The following CS variants were observed in gnomAD, a reference collection of about 807,000 sequenced individuals.
CS encodes the protein citrate synthase, mitochondrial.
CS carries 13 observed loss-of-function variants against 61.4 expected under a neutral mutation model. That is an observed-to-expected ratio of 0.21 (90% CI 0.14 to 0.34). CS has a LOEUF of 0.34. Among genes scored for constraint, CS ranks in the 10% least tolerant of loss-of-function variants. CS has a pLI of 1.00. For synonymous variants in CS, 159 were observed against 215.2 expected (o/e 0.74, Z 2.29); for missense variants, 278 against 573.4 (o/e 0.48, Z 5.26).
chr12:56,295,378 C>T (rs964341218), intron 1 of CS, among the ~76,000 whole-genome samples: 9 of 150,460 alleles, frequency 6.0e-5, no homozygotes, highest in African/African-American at 1.5e-4. Context: ...AAAATTAGCC[C>T]GGCGTGGTGG....
At chr12:56,274,676 A>C in intron 9 of CS, 101 bp downstream of exon 9, 1 of 934,622 alleles carries the variant, frequency 1.1e-6, no homozygotes, top group Non-Finnish European at 1.6e-6. Flanking sequence ...AAGAAAAAAA[A>C]ATCTCTAATT....
chr12:56,297,227 C>G lies in CS; in HGVS notation c.42+2933G>C, dbSNP rs564522477. Among the ~76,000 whole-genome samples the G allele has an allele frequency of 2.0e-5, 3 of 152,152 alleles. No individual in the cohort carries two copies. In the South Asian group the frequency reaches 6.2e-4, roughly 31 times the overall value. ...AAAAGTCCAGAAGTGAACTGCAGCC[C>G]TACTTCAATTCCTAGCCCAAATCCA... On this transcript the variant is annotated intron_variant, in intron 1 of 10. Coordinates refer to ENST00000351328, the MANE Select transcript of CS (RefSeq NM_004077.3).
chr12:56,283,066 C>T, intron 4 of CS, 75 bp from the exon 5 acceptor site: 1 of 1,522,618 alleles, frequency 6.6e-7, no homozygotes, highest in African/African-American at 1.4e-5. Flanking sequence ...ACTCATCAGA[C>T]CTTACAACAA....
At chr12:56,298,953 G>A (rs2135929013) in intron 1 of CS, among the ~76,000 whole-genome samples, 1 of 151,994 alleles carries the variant, frequency 6.6e-6, no homozygotes, top group African/African-American at 2.4e-5. Flanking sequence ...GAAGTGGGAG[G>A]ATTGCTTGAG....
intron 3 of CS, among the ~76,000 whole-genome samples, chr12:56,285,425 G>T (rs143214233): frequency 6.6e-6 from 1 of 152,156 alleles, no homozygotes; most frequent in Non-Finnish European, 1.5e-5. Flanking sequence ...TGGGACTACA[G>T]GGGCATCCCA....
At chr12:56,294,954 C>A (rs981463350) in intron 1 of CS, among the ~76,000 whole-genome samples, 4 of 151,878 alleles carry the variant, frequency 2.6e-5, no homozygotes, top group African/African-American at 4.8e-5. Flanking sequence ...TTAGTAGAGA[C>A]AGGGTTTCAC....
intron 1 of CS, among the ~76,000 whole-genome samples, chr12:56,298,008 T>G (rs1024168099): frequency 2.6e-5 from 4 of 152,098 alleles, no homozygotes; most frequent in Admixed American, 6.5e-5. Context: ...GCCCTTTTTT[T>G]TCTCTTTGAA....
intron 6 of CS, 142 bp from the exon 7 acceptor site, chr12:56,276,337 T>A: frequency 1.5e-6 from 1 of 683,154 alleles, no homozygotes; most frequent in South Asian, 1.8e-5. Flanking sequence ...ATATTGAGTA[T>A]GTTTGAAAGT....
intron 1 of CS, 50 bp downstream of exon 1, chr12:56,300,110 T>A: frequency 2.0e-6 from 3 of 1,531,760 alleles, no homozygotes; most frequent in Non-Finnish European, 2.6e-6. Flanking sequence ...GGGCCTGCGG[T>A]CGCCTCAGCC....
At chr12:56,299,619 G>A (rs1010149603) in intron 1 of CS, among the ~76,000 whole-genome samples, 2 of 152,146 alleles carry the variant, frequency 1.3e-5, no homozygotes, top group Admixed American at 6.5e-5. Context: ...GGGCCTGAAG[G>A]ACCCACTCTT....
At chr12:56,282,775 G>T in intron 5 of CS, 85 bp downstream of exon 5, 1 of 1,588,268 alleles carries the variant, frequency 6.3e-7, no homozygotes, top group Non-Finnish European at 8.6e-7. Flanking sequence ...CTCTATAAAT[G>T]CCGGATCAGC....
intron 6 of CS, among the ~76,000 whole-genome samples, chr12:56,279,699 G>A (rs1171097889): frequency 6.6e-6 from 1 of 151,734 alleles, no homozygotes; most frequent in Non-Finnish European, 1.5e-5. Flanking sequence ...CAGGGAGGCG[G>A]AGCTTGCAAT....
chr12:56,275,165 G>A, intron 7 of CS, 34 bp from the exon 8 acceptor site: 1 of 1,613,422 alleles, frequency 6.2e-7, no homozygotes, highest in Non-Finnish European at 8.5e-7. Flanking sequence ...GCCAAGGGAA[G>A]AAAGAAGGGG....
intron 3 of CS, among the ~76,000 whole-genome samples, chr12:56,284,250 C>G (rs547045011): frequency 1.4e-5 from 2 of 140,200 alleles, no homozygotes; most frequent in South Asian, 4.4e-4. Context: ...ACCCAGAAGG[C>G]AGAGATTGCA....
intron 1 of CS, among the ~76,000 whole-genome samples, chr12:56,296,239 T>C (rs140433324): frequency 2.0e-4 from 30 of 152,170 alleles, no homozygotes; most frequent in African/African-American, 7.2e-4. Flanking sequence ...GACTGGTGGA[T>C]TGCTTGAGCC....
At chr12:56,278,197 C>A (rs1872677741) in intron 6 of CS, among the ~76,000 whole-genome samples, 1 of 152,170 alleles carries the variant, frequency 6.6e-6, no homozygotes, top group South Asian at 2.1e-4. Context: ...ATGGTGCGAT[C>A]TCAGCTCACT....
In CS at chr12:56,299,536, T is replaced by C. The variant is rs772142308; in HGVS notation, c.42+624A>G. Among the ~76,000 whole-genome samples the C allele has an allele frequency of 1.2e-4, 18 of 151,986 alleles. 1 individual carries two copies. Among genetic ancestry groups the C allele is most frequent in the Non-Finnish European group, 1.0e-4 (7 of 68,012 alleles). On this transcript the variant is annotated intron_variant, in intron 1 of 10. Coordinates refer to ENST00000351328, the MANE Select transcript of CS (RefSeq NM_004077.3). ...TCATGTATGATAGTCATGCAGGAGG[T>C]TGTACAGAAGTGCTCCACCCCACCC...
chr12:56,289,865 C>A, intron 1 of CS, among the ~76,000 whole-genome samples: 1 of 152,114 alleles, frequency 6.6e-6, no homozygotes, highest in Non-Finnish European at 1.5e-5. Context: ...GCTGAGATTA[C>A]CGGCATGAGC....
At chr12:56,289,108 CTCT>C (rs1360086065) in intron 1 of CS, among the ~76,000 whole-genome samples, 1 of 152,170 alleles carries the variant, frequency 6.6e-6, no homozygotes, top group Non-Finnish European at 1.5e-5. Flanking sequence ...CAAGAGTCTC[CTCT>C]ATCTTACTGA....
Sources: gnomAD v4.1 joint callset for allele counts (sites outside exome capture counted in the v4.1 genomes callset) on GRCh38, gnomAD v4.1.1 for gene constraint, MANE v1.5 for transcripts, NCBI Gene and HGNC (gene_info 2026-07-23, HGNC 2026-07-21) for gene names.